APTX: variants seen among roughly 807,000 people sequenced by gnomAD.
APTX encodes the protein aprataxin.
A neutral mutation model predicts 42.3 loss-of-function variants in APTX; 33 were observed. The observed-to-expected ratio is 0.78, with a 90% CI of 0.59 to 1.04. The LOEUF (loss-of-function observed/expected upper bound fraction) is 1.04, where lower values mean the gene tolerates loss of function less well. Ranked by LOEUF, APTX falls within the 50% of genes least tolerant of loss-of-function variation. The pLI is 0.00. For synonymous variants in APTX, 130 were observed against 146.7 expected (o/e 0.89, Z 0.82); for missense variants, 421 against 415.1 (o/e 1.01, Z -0.12).
At chr9:33,013,238 C>G (rs1837661576) in intron 1 of APTX, among the ~76,000 whole-genome samples, 1 of 152,152 alleles carries the variant, frequency 6.6e-6, no homozygotes, top group South Asian at 2.1e-4. Flanking sequence ...TTCACAATAA[C>G]TCTATGAGCT....
At chr9:33,011,009 G>A (rs185001268) in intron 1 of APTX, among the ~76,000 whole-genome samples, 48 of 152,074 alleles carry the variant, frequency 3.2e-4, no homozygotes, top group Admixed American at 2.7e-3. Flanking sequence ...AGAGCGTGGT[G>A]GTGCACGCCT....
intron 1 of APTX, among the ~76,000 whole-genome samples, chr9:32,996,278 CTTT>C (rs112456184): frequency 2.8e-4 from 40 of 142,910 alleles, no homozygotes; most frequent in Non-Finnish European, 5.0e-4. Flanking sequence ...ATAAATCGCT[CTTT>C]TTTTTTTTTT....
chr9:32,978,432 C>A (rs995131306), intron 6 of APTX, among the ~76,000 whole-genome samples: 1 of 152,044 alleles, frequency 6.6e-6, no homozygotes, highest in Non-Finnish European at 1.5e-5. Context: ...GTTTCTATAA[C>A]CTGCCTTGAG....
At chr9:32,985,856 A>G in intron 5 of APTX, 115 bp downstream of exon 5, 3 of 1,003,656 alleles carry the variant, frequency 3.0e-6, no homozygotes, top group African/African-American at 3.2e-5. Flanking sequence ...CAGCCCAATA[A>G]AATGAATCTC....
At chr9:32,984,546 A>G (rs1363133004) in intron 6 of APTX, 85 bp downstream of exon 6, 7 of 1,374,088 alleles carry the variant, frequency 5.1e-6, no homozygotes, top group South Asian at 1.2e-5. Context: ...TCTCAGTGCA[A>G]TATGTGCCCT....
chr9:32,973,202 T>C lies in APTX; in HGVS notation c.*296A>G, dbSNP rs1026107483. 9.5e-6 allele frequency: 5 copies of C among 526,756 alleles called. No homozygotes were observed. The highest frequency in any genetic ancestry group is 1.8e-5 in the Non-Finnish European group (5 of 274,748). 32.6% of individuals were successfully genotyped at this position (526,756 alleles called of 1,614,324 possible). A position where few individuals can be genotyped will look rare whatever the true frequency, so the allele number is the denominator to read the frequency against. On this transcript the variant is annotated 3_prime_UTR_variant, in exon 8 of 8. Transcript: ENST00000379817. Reference sequence around the variant, plus strand: ...GCTTCCATACTCTGCATTAGGTCAGTGTGAACATGGCTTTGCTCCCAATGG... The same window carrying C: ...GCTTCCATACTCTGCATTAGGTCAGCGTGAACATGGCTTTGCTCCCAATGG...
intron 6 of APTX, among the ~76,000 whole-genome samples, chr9:32,984,121 T>C (rs755258542): frequency 2.6e-5 from 4 of 152,260 alleles, no homozygotes; most frequent in African/African-American, 4.8e-5. Context: ...TTGTATTCTT[T>C]GAAAGAAATC....
chr9:32,980,068 T>C (rs1830347756), intron 6 of APTX: 1 of 153,240 alleles, frequency 6.5e-6, no homozygotes, highest in Non-Finnish European at 1.5e-5. Context: ...TGTCTCACCC[T>C]CTCTGCTGCT....
In APTX at chr9:32,987,800, T is replaced by C. The variant is rs755287622; in HGVS notation, c.227A>G (p.Asp76Gly). ...GCCAGGCTGCAGCTTCACCTCTTGG[T>C]CCTTCCCAATTACGACTGAGTCAAT... is the stretch of plus-strand genomic sequence containing the variant. Reference protein sequence around the residue: ...TSIDSVVIGKDQEVKLQPGQV... With the variant: ...TSIDSVVIGKGQEVKLQPGQV... Residue 76 changes from aspartate to glycine, a missense_variant, in exon 4 of 8, where the codon GAC (aspartate) becomes GGC (glycine). Physicochemically the swap from Asp to Gly is moderately conservative, Grantham distance 94. Coordinates refer to ENST00000379817, the MANE Select transcript of APTX (RefSeq NM_001195248.2). The C allele has an allele frequency of 6.2e-7, 1 of 1,614,052 alleles. No homozygotes were observed. The highest frequency in any genetic ancestry group is 1.7e-5 in the Admixed American group (1 of 60,032).
intron 6 of APTX, among the ~76,000 whole-genome samples, chr9:32,977,782 G>T (rs1294230092): frequency 6.6e-6 from 1 of 151,806 alleles, no homozygotes; most frequent in Non-Finnish European, 1.5e-5. Context: ...AGGGAGCTGA[G>T]ATTGCACCAC....
chr9:32,989,619 T>A, intron 2 of APTX, 140 bp downstream of exon 2: 1 of 1,285,230 alleles, frequency 7.8e-7, no homozygotes, highest in East Asian at 2.3e-5. Flanking sequence ...GGCCCTGGTG[T>A]TGGCTAAAAG....
intron 1 of APTX, 165 bp downstream of exon 1, chr9:33,001,401 GC>G (rs1462313648): frequency 2.6e-6 from 4 of 1,534,472 alleles, no homozygotes. Flanking sequence ...CGCTGAAACA[GC>G]CCAAGGTAGT....
At chr9:33,007,858 C>A (rs1266061887) in intron 1 of APTX, among the ~76,000 whole-genome samples, 1 of 152,112 alleles carries the variant, frequency 6.6e-6, no homozygotes, top group Non-Finnish European at 1.5e-5. Context: ...ACGCTCCCCA[C>A]CAAGACTGAG....
intron 1 of APTX, among the ~76,000 whole-genome samples, chr9:33,024,267 C>G (rs929257106): frequency 1.3e-5 from 2 of 152,224 alleles, no homozygotes; most frequent in African/African-American, 4.8e-5. Context: ...CCCACGCTGG[C>G]GTCCCAAAGT....
chr9:32,973,624 A>G lies in APTX; in HGVS notation c.903T>C (p.Gly301=). Residue 301 remains glycine, a synonymous_variant, in exon 8 of 8, where the codon GGT becomes GGC. Coordinates refer to ENST00000379817, the MANE Select transcript of APTX (RefSeq NM_001195248.2). ...QAVIEMVQEA[G]RVTVRDGMPE... is the part of the protein sequence containing the mutation. ...GCATCCCATCTCGGACAGTTACTCTACCAGCCTCTTGTACCATCTCGATCA... is the reference window on the plus strand; with the variant it reads ...GCATCCCATCTCGGACAGTTACTCTGCCAGCCTCTTGTACCATCTCGATCA... 6.2e-7 allele frequency: 1 copy of G among 1,613,360 alleles called. No individual in the cohort carries two copies. Among genetic ancestry groups the G allele is most frequent in the Non-Finnish European group, 8.5e-7 (1 of 1,179,928 alleles).
chr9:33,021,864 G>A (rs1321766715), intron 1 of APTX, among the ~76,000 whole-genome samples: 2 of 151,650 alleles, frequency 1.3e-5, no homozygotes, highest in Non-Finnish European at 2.9e-5. Flanking sequence ...AGTGGCAGGT[G>A]TCTGTAGTCC....
chr9:33,019,995 G>C (rs1010417039), intron 1 of APTX: 1 of 413,586 alleles, frequency 2.4e-6, no homozygotes, highest in African/African-American at 2.1e-5. Context: ...CTGCGTTTCT[G>C]CTAGGACCTG....
chr9:32,992,164 TCCCGGAAA>T (rs1288189278), intron 1 of APTX, among the ~76,000 whole-genome samples: 1 of 152,082 alleles, frequency 6.6e-6, no homozygotes, highest in East Asian at 1.9e-4. Flanking sequence ...AACATGCCTC[TCCCGGAAA>T]CCTGCCTATA....
At chr9:33,003,593 C>T (rs1189381063), upstream of APTX, among the ~76,000 whole-genome samples, 1 of 152,044 alleles carries the variant, frequency 6.6e-6, no homozygotes, top group Non-Finnish European at 1.5e-5. Context: ...GATCACTCCA[C>T]TGCACTCCAG....
Sources: gnomAD v4.1 joint callset for allele counts (sites outside exome capture counted in the v4.1 genomes callset) on GRCh38, gnomAD v4.1.1 for gene constraint, MANE v1.5 for transcripts, NCBI Gene and HGNC (gene_info 2026-07-23, HGNC 2026-07-21) for gene names.